SDK1: variants seen among roughly 807,000 people sequenced by gnomAD.
SDK1 encodes the protein protein sidekick-1.
In SDK1, 157 loss-of-function variants were observed where a neutral mutation model predicts 245.5. The observed-to-expected ratio is 0.64, with a 90% CI of 0.56 to 0.73. The LOEUF is 0.73. Among genes scored for constraint, SDK1 ranks in the 30% least tolerant of loss-of-function variants. SDK1 has a pLI of 0.00. For missense variants in SDK1, 3,583 were observed against 3,002.3 expected (o/e 1.19, Z -4.52); for synonymous variants, 1,647 against 1,278.5 (o/e 1.29, Z -6.15).
chr7:3,912,411 C>A (rs10250659), intron 5 of SDK1, among the ~76,000 whole-genome samples: 45,361 of 152,116 alleles, frequency 0.3, 9,621 homozygotes, highest in African/African-American at 0.6. Context: ...TTTTGCATGA[C>A]CAAATAAGCA....
intron 1 of SDK1, among the ~76,000 whole-genome samples, chr7:3,316,419 G>A (rs754771850): frequency 9.2e-5 from 14 of 152,152 alleles, no homozygotes; most frequent in Non-Finnish European, 8.8e-5. Flanking sequence ...GTGTGTAGGA[G>A]GCCATAACAT....
intron 44 of SDK1, among the ~76,000 whole-genome samples, chr7:4,252,083 T>C (rs186024102): frequency 1.3e-5 from 2 of 152,320 alleles, no homozygotes; most frequent in East Asian, 1.9e-4. Context: ...ATACGTTAAG[T>C]TTTAGGGTAC....
At chr7:3,559,033 A>T (rs1438385954) in intron 1 of SDK1, among the ~76,000 whole-genome samples, 1 of 152,176 alleles carries the variant, frequency 6.6e-6, no homozygotes, top group Non-Finnish European at 1.5e-5. Context: ...CCTGTTGCAT[A>T]CAGGATGTAT....
chr7:4,161,897 T>C, intron 32 of SDK1, 41 bp downstream of exon 32: 1 of 1,559,492 alleles, frequency 6.4e-7, no homozygotes, highest in South Asian at 1.1e-5. Flanking sequence ...TCAAATGTGT[T>C]CTCATTTCCC....
chr7:3,579,611 C>G (rs1460755036), intron 1 of SDK1, among the ~76,000 whole-genome samples: 2 of 152,136 alleles, frequency 1.3e-5, no homozygotes, highest in African/African-American at 4.8e-5. Context: ...TGAAAACTGG[C>G]TGAAGACAAG....
intron 38 of SDK1, among the ~76,000 whole-genome samples, chr7:4,212,523 G>A (rs112514364): frequency 2.0e-5 from 3 of 152,150 alleles, no homozygotes; most frequent in South Asian, 4.1e-4. Flanking sequence ...GGGAGGGACG[G>A]GGATTTAGTG....
chr7:4,112,731 G>A (rs1438010405), intron 23 of SDK1, among the ~76,000 whole-genome samples: 1 of 151,526 alleles, frequency 6.6e-6, no homozygotes, highest in South Asian at 2.1e-4. Context: ...AGTCTTTTAG[G>A]GGAAAAAGGG....
At chr7:3,578,627 A>G (rs1283971380) in intron 1 of SDK1, among the ~76,000 whole-genome samples, 1 of 151,818 alleles carries the variant, frequency 6.6e-6, no homozygotes, top group Non-Finnish European at 1.5e-5. Context: ...ACCACCCCCC[A>G]GGAATGCAAT....
chr7:3,738,776 C>G (rs1401161376), intron 4 of SDK1, among the ~76,000 whole-genome samples: 2 of 150,512 alleles, frequency 1.3e-5, no homozygotes, highest in Admixed American at 6.6e-5. Flanking sequence ...AAGTATTTTA[C>G]TCTTTTTAAT....
intron 1 of SDK1, among the ~76,000 whole-genome samples, chr7:3,376,248 G>A (rs1269138584): frequency 1.3e-5 from 2 of 152,112 alleles, no homozygotes; most frequent in African/African-American, 4.8e-5. Flanking sequence ...TGTAAAAATG[G>A]AACCGTTAAT....
intron 17 of SDK1, among the ~76,000 whole-genome samples, chr7:4,018,858 G>C (rs1035685584): frequency 2.0e-5 from 3 of 152,158 alleles, no homozygotes; most frequent in African/African-American, 7.2e-5. Context: ...GAATGTAGGA[G>C]GCGGGGAGCA....
rs185182406 is a variant in SDK1, at chr7:3,651,687, G to C, written c.713+9582G>C. On this transcript the variant is annotated intron_variant, in intron 4 of 44. Transcript: ENST00000404826. Reference sequence around the variant, plus strand: ...AGTCCAGAAGCAGAATGAGCTCCAAGTAAGATAAATAAAGTAAATCCAAAT... The same window carrying C: ...AGTCCAGAAGCAGAATGAGCTCCAACTAAGATAAATAAAGTAAATCCAAAT... 2.0e-5 allele frequency among the ~76,000 whole-genome samples: 3 copies of C among 152,278 alleles called. No homozygotes were observed. In the East Asian group the frequency reaches 5.8e-4, roughly 29 times the overall value.
At chr7:3,634,733 T>G (rs1782401630) in intron 2 of SDK1, among the ~76,000 whole-genome samples, 1 of 152,206 alleles carries the variant, frequency 6.6e-6, no homozygotes, top group Non-Finnish European at 1.5e-5. Context: ...GTGGAGGACT[T>G]TGCAACTTTC....
At chr7:3,320,090 T>C (rs1421943379) in intron 1 of SDK1, among the ~76,000 whole-genome samples, 9 of 151,924 alleles carry the variant, frequency 5.9e-5, no homozygotes, top group Non-Finnish European at 1.3e-4. Context: ...ATTCCCCCTT[T>C]CCTCATTCTC....
intron 4 of SDK1, among the ~76,000 whole-genome samples, chr7:3,721,356 C>T (rs10268585): frequency 1.7e-4 from 26 of 152,138 alleles, no homozygotes; most frequent in Non-Finnish European, 1.8e-4. Flanking sequence ...TTACTCAGCA[C>T]GATGTTGGCA....
chr7:4,132,218 C>G, intron 27 of SDK1, 107 bp from the exon 28 acceptor site: 1 of 828,260 alleles, frequency 1.2e-6, no homozygotes, highest in Admixed American at 2.1e-5. Context: ...GACAGTGTAG[C>G]CTGTGGTAGT....
intron 1 of SDK1, among the ~76,000 whole-genome samples, chr7:3,394,380 T>G (rs535670945): frequency 6.6e-6 from 1 of 152,184 alleles, no homozygotes; most frequent in African/African-American, 2.4e-5. Flanking sequence ...GATTCGTAAT[T>G]ATGTGCCATT....
chr7:3,810,830 G>C (rs1221596707), intron 4 of SDK1, among the ~76,000 whole-genome samples: 1 of 152,104 alleles, frequency 6.6e-6, no homozygotes, highest in Non-Finnish European at 1.5e-5. Flanking sequence ...GTGGCATCTG[G>C]GTGGAAGTAT....
At chr7:3,778,819 A>G (rs1043521112) in intron 4 of SDK1, among the ~76,000 whole-genome samples, 1 of 152,226 alleles carries the variant, frequency 6.6e-6, no homozygotes, top group African/African-American at 2.4e-5. Context: ...GTCGATTTCA[A>G]AGTGCTTCAA....
Sources: gnomAD v4.1 joint callset for allele counts (sites outside exome capture counted in the v4.1 genomes callset) on GRCh38, gnomAD v4.1.1 for gene constraint, MANE v1.5 for transcripts, NCBI Gene and HGNC (gene_info 2026-07-23, HGNC 2026-07-21) for gene names.